Variants in EXOSC9 observed in about 807,000 individuals in gnomAD.
EXOSC9 encodes the protein exosome component 9.
A neutral mutation model predicts 56.5 loss-of-function variants in EXOSC9; 38 were observed. The observed-to-expected ratio is 0.67, with a 90% CI of 0.52 to 0.88. The LOEUF is 0.88. Among genes scored for constraint, EXOSC9 ranks in the 40% least tolerant of loss-of-function variants. EXOSC9 has a pLI of 0.00. For missense variants in EXOSC9, 559 were observed against 530.5 expected (o/e 1.05, Z -0.53); for synonymous variants, 170 against 170.8 (o/e 0.99, Z 0.04).
intron 6 of EXOSC9, 101 bp from the exon 7 acceptor site, chr4:121,809,866 T>A (rs1727156733): frequency 2.2e-6 from 3 of 1,351,932 alleles, no homozygotes; most frequent in Non-Finnish European, 2.1e-6. Context: ...ACCTTTATTC[T>A]CTGTTGACTT....
At chr4:121,813,760 T>TG in intron 9 of EXOSC9, 106 bp from the exon 10 acceptor site, 3 of 793,438 alleles carry the variant, frequency 3.8e-6, no homozygotes, top group Non-Finnish European at 5.9e-6. Context: ...CCTAGGAACT[T>TG]GGGGCACACT....
At position 121,802,771 on chromosome 4, in the gene EXOSC9, G is replaced by A. The variant is rs201639791; in HGVS notation, c.259G>A (p.Ala87Thr). ...TAACCTTGAACTCTCTCAGATGGCCGCTCCAGCTTTCGAACCTGGCAGGTA... is the reference window on the plus strand; with the variant it reads ...TAACCTTGAACTCTCTCAGATGGCCACTCCAGCTTTCGAACCTGGCAGGTA... ...FFNLELSQMA[A>T]PAFEPGRQSD... The change falls in exon 3 of 12, where the codon GCT becomes ACT. Residue 87 changes from alanine (A) to threonine (T), a missense_variant. Transcript: ENST00000243498. 10 of 1,613,992 alleles carry A rather than the reference G, an allele frequency of 6.2e-6. No homozygotes were observed. Among genetic ancestry groups the A allele is most frequent in the Middle Eastern group, 1.6e-4 (1 of 6,062 alleles).
chr4:121,816,713 T>C (rs1724527944), intron 11 of EXOSC9, 59 bp from the exon 12 acceptor site: 11 of 1,486,802 alleles, frequency 7.4e-6, no homozygotes, highest in South Asian at 1.4e-5. Context: ...ATGCCTCTTA[T>C]TTCAATAATC....
chr4:121,815,381 A>G (rs1724459790), intron 10 of EXOSC9: 7 of 979,398 alleles, frequency 7.1e-6, no homozygotes, highest in Middle Eastern at 5.2e-4. Flanking sequence ...AATATTTTCA[A>G]CTGAATATAA....
rs566451140 is a variant in EXOSC9, at chr4:121,813,013, C to A, written c.828-221C>A. Among the ~76,000 whole-genome samples, 3 of 152,244 alleles carry A rather than the reference C, an allele frequency of 2.0e-5. No homozygotes were observed. The East Asian group carries it at 5.8e-4, about 29-fold the overall frequency. ...GTTAGAGAATAGTATATTTTAAGCACCTAGCACATGGTCTGGCACGTGGTT... is the reference window on the plus strand; with the variant it reads ...GTTAGAGAATAGTATATTTTAAGCAACTAGCACATGGTCTGGCACGTGGTT... On this transcript the variant is annotated intron_variant, in intron 8 of 11. Coordinates refer to ENST00000243498, the MANE Select transcript of EXOSC9 (RefSeq NM_005033.3).
At chr4:121,812,259 A>C (rs1727233446) in intron 8 of EXOSC9, among the ~76,000 whole-genome samples, 1 of 152,050 alleles carries the variant, frequency 6.6e-6, no homozygotes, top group Admixed American at 6.6e-5. Context: ...ATTAATCCAG[A>C]CTCCAAGATA....
intron 10 of EXOSC9, chr4:121,814,805 C>G (rs920730454): frequency 1.3e-5 from 2 of 152,180 alleles, no homozygotes; most frequent in Non-Finnish European, 2.9e-5. Context: ...CTAGACGTTT[C>G]TTGCATTCTG....
intron 8 of EXOSC9, among the ~76,000 whole-genome samples, chr4:121,812,454 A>C (rs1217266514): frequency 6.6e-6 from 1 of 152,150 alleles, no homozygotes; most frequent in East Asian, 1.9e-4. Flanking sequence ...TCTGCAATTT[A>C]AATGTAACCT....
chr4:121,801,338 C>T lies in EXOSC9; in HGVS notation c.-87C>T. On this transcript the variant is annotated 5_prime_UTR_variant, in exon 1 of 12. Transcript: ENST00000243498. ...CCTTGATGACGTAATTTTCCTGCGC[C>T]TCGGGGCGAGCAGCGGCGCGCAAGG... 1.5e-6 allele frequency: 2 copies of T among 1,340,408 alleles called. No individual in the cohort carries two copies. Among genetic ancestry groups the T allele is most frequent in the South Asian group, 1.2e-5 (1 of 85,438 alleles). The allele number at this position is 1,340,408 out of a possible 1,614,324, so 83.0% of individuals were successfully genotyped here.
In EXOSC9 at chr4:121,813,189, A is replaced by G. The variant is rs1323746448; in HGVS notation, c.828-45A>G. The G allele has an allele frequency of 7.7e-6, 12 of 1,564,324 alleles. No homozygotes were observed. In the Admixed American group the frequency reaches 2.1e-4, roughly 28 times the overall value. ...CTTCCTGTCTTCTATCCAATCTGTTACCTTCCTCCCCCTTCCTTCCCACCA... is the reference window on the plus strand; with the variant it reads ...CTTCCTGTCTTCTATCCAATCTGTTGCCTTCCTCCCCCTTCCTTCCCACCA... On this transcript the variant is annotated intron_variant, in intron 8 of 11. Transcript: ENST00000243498.
In EXOSC9 at chr4:121,809,846, G is replaced by C. The variant is rs772478863; in HGVS notation, c.606-121G>C. 1.3e-5 allele frequency: 15 copies of C among 1,125,840 alleles called. No homozygotes were observed. The East Asian group carries it at 3.3e-4, about 25-fold the overall frequency. The allele number at this position is 1,125,840 out of a possible 1,614,324, so 69.7% of individuals were successfully genotyped here. On this transcript the variant is annotated intron_variant, in intron 6 of 11. Coordinates refer to ENST00000243498, the MANE Select transcript of EXOSC9 (RefSeq NM_005033.3). ...TTCCCCATTTCAGTGACCCAAATCC[G>C]TAGGCTCAGACCTTTATTCTCTGTT...
At chr4:121,802,457 TAAG>T (rs1413140312) in intron 2 of EXOSC9, among the ~76,000 whole-genome samples, 7 of 152,350 alleles carry the variant, frequency 4.6e-5, no homozygotes, top group East Asian at 1.9e-4. Flanking sequence ...AACATTGTAA[TAAG>T]AAGAGAGGTG....
chr4:121,805,793 ATTCTTTTTTTTTTTTC>A (rs1351692911), intron 5 of EXOSC9, among the ~76,000 whole-genome samples: 1 of 146,582 alleles, frequency 6.8e-6, no homozygotes, highest in African/African-American at 2.5e-5. Context: ...AGAAGAAAAT[ATTCTTTTTTTTTTTTC>A]TTTTTTTTTT....
chr4:121,802,975 G>C lies in EXOSC9; in HGVS notation c.342G>C (p.Lys114Asn). Residue 114 changes from lysine (K) to asparagine (N), a missense_variant, in exon 4 of 12, where the codon AAG becomes AAC. Physicochemically the swap from Lys to Asn is moderately conservative, Grantham distance 94 (BLOSUM62 0). Coordinates refer to ENST00000243498, the MANE Select transcript of EXOSC9 (RefSeq NM_005033.3). Reference sequence around the variant, plus strand: ...TGGAAAGATGTCTAAGAAATTCGAAGTGTATAGACACTGAGTCTCTCTGTG... The same window carrying C: ...TGGAAAGATGTCTAAGAAATTCGAACTGTATAGACACTGAGTCTCTCTGTG... ...RLMERCLRNS[K>N]CIDTESLCVV... 2 of 1,614,064 alleles carry C rather than the reference G, an allele frequency of 1.2e-6. No individual in the cohort carries two copies. The highest frequency in any genetic ancestry group is 1.7e-6 in the Non-Finnish European group (2 of 1,179,926).
In EXOSC9 at chr4:121,801,478, C is replaced by T. The variant is rs771229220; in HGVS notation, c.54C>T (p.Ile18=). 7 of 1,614,206 alleles carry T rather than the reference C, an allele frequency of 4.3e-6. No individual in the cohort carries two copies. The highest frequency in any genetic ancestry group is 3.3e-5 in the South Asian group (3 of 91,090). Residue 18 remains isoleucine (I), a synonymous_variant, in exon 1 of 12, where the codon ATC becomes ATT. Transcript: ENST00000243498. ...NCERRFLLRA[I]EEKKRLDGRQ... ...AACGCCGCTTCCTACTCCGTGCCAT[C>T]GAAGAGAAGAAGGTATGGTTTGGTG...
intron 4 of EXOSC9, 38 bp from the exon 5 acceptor site, chr4:121,804,583 AT>A: frequency 1.5e-6 from 2 of 1,368,508 alleles, no homozygotes; most frequent in Non-Finnish European, 2.0e-6. Context: ...ACTGGTTGTA[AT>A]CAGTTAGGAT....
intron 5 of EXOSC9, among the ~76,000 whole-genome samples, chr4:121,805,192 C>T (rs1327444164): frequency 2.6e-5 from 4 of 152,246 alleles, no homozygotes; most frequent in South Asian, 4.1e-4. Flanking sequence ...AAAGAGATGA[C>T]GAAAGTCCAT....
At chr4:121,812,331 C>G (rs1262793675) in intron 8 of EXOSC9, among the ~76,000 whole-genome samples, 1 of 152,128 alleles carries the variant, frequency 6.6e-6, no homozygotes, top group Non-Finnish European at 1.5e-5. Context: ...TCTTAAGGAT[C>G]TTCCTTGAAC....
chr4:121,816,599 C>A, intron 11 of EXOSC9, 152 bp downstream of exon 11: 1 of 819,782 alleles, frequency 1.2e-6, no homozygotes, highest in Non-Finnish European at 1.8e-6. Flanking sequence ...ATTTTTTTAC[C>A]TTGTGATTTA....
Sources: allele counts gnomAD v4.1 joint callset (sites outside exome capture counted in the v4.1 genomes callset), GRCh38; gene constraint gnomAD v4.1.1; transcripts MANE v1.5; gene names NCBI Gene and HGNC (gene_info 2026-07-23, HGNC 2026-07-21).